The following FBXL7 variants were observed in gnomAD, a reference collection of about 807,000 sequenced individuals.
The protein encoded by FBXL7 is F-box/LRR-repeat protein 7.
Under a neutral mutation model 38.3 loss-of-function variants are expected in FBXL7, and 12 were observed. The observed-to-expected ratio is 0.31, with a 90% CI of 0.20 to 0.51. The LOEUF (loss-of-function observed/expected upper bound fraction) is 0.51, where lower values mean the gene tolerates loss of function less well. Ranked by LOEUF, FBXL7 falls within the 20% of genes least tolerant of loss-of-function variation. The pLI is 0.98. For missense variants in FBXL7, 567 were observed against 676.4 expected (o/e 0.84, Z 1.79); for synonymous variants, 297 against 300.9 (o/e 0.99, Z 0.13).
chr5:15,919,104 T>G (rs1251891094), intron 2 of FBXL7, among the ~76,000 whole-genome samples: 1 of 152,232 alleles, frequency 6.6e-6, no homozygotes, highest in Non-Finnish European at 1.5e-5. Flanking sequence ...ATCTTGCTTT[T>G]TATGGCAAGA....
chr5:15,815,011 T>A (rs552206631), intron 2 of FBXL7, among the ~76,000 whole-genome samples: 1 of 152,164 alleles, frequency 6.6e-6, no homozygotes, highest in Admixed American at 6.5e-5. Context: ...TATTTCCAAC[T>A]CCATACCATG....
chr5:15,681,406 T>C (rs1377430148), intron 2 of FBXL7, among the ~76,000 whole-genome samples: 2 of 152,154 alleles, frequency 1.3e-5, no homozygotes, highest in African/African-American at 2.4e-5. Flanking sequence ...GAAGAAACAC[T>C]CTGTTGAAAA....
At chr5:15,794,847 A>C (rs577284054) in intron 2 of FBXL7, among the ~76,000 whole-genome samples, 1 of 152,336 alleles carries the variant, frequency 6.6e-6, no homozygotes, top group East Asian at 1.9e-4. Context: ...AGGCGAAAAA[A>C]ACAACACAAA....
chr5:15,765,769 G>C (rs902662487), intron 2 of FBXL7, among the ~76,000 whole-genome samples: 2 of 152,060 alleles, frequency 1.3e-5, no homozygotes, highest in African/African-American at 4.8e-5. Context: ...TCCATCTGCT[G>C]GGAATCTCTG....
At chr5:15,762,794 T>C (rs1736484563) in intron 2 of FBXL7, among the ~76,000 whole-genome samples, 1 of 152,178 alleles carries the variant, frequency 6.6e-6, no homozygotes, top group Admixed American at 6.5e-5. Flanking sequence ...AACATTTTGG[T>C]TGAAACATAT....
intron 2 of FBXL7, among the ~76,000 whole-genome samples, chr5:15,658,852 C>T (rs1290206945): frequency 6.6e-6 from 1 of 152,098 alleles, no homozygotes; most frequent in Non-Finnish European, 1.5e-5. Context: ...GCCCAGGGCA[C>T]GGTGCTGGGC....
intron 2 of FBXL7, among the ~76,000 whole-genome samples, chr5:15,775,448 A>G (rs1295522919): frequency 6.6e-6 from 1 of 152,032 alleles, no homozygotes; most frequent in Non-Finnish European, 1.5e-5. Context: ...GGAATATGCC[A>G]TTTCATTAAT....
At chr5:15,824,290 C>T (rs146715985) in intron 2 of FBXL7, among the ~76,000 whole-genome samples, 187 of 116,170 alleles carry the variant, frequency 1.6e-3, no homozygotes, top group African/African-American at 4.6e-3. Context: ...AGCAAGACTC[C>T]GTCTCAAAAA....
chr5:15,693,198 A>G (rs1743232151), intron 2 of FBXL7, among the ~76,000 whole-genome samples: 1 of 152,128 alleles, frequency 6.6e-6, no homozygotes, highest in African/African-American at 2.4e-5. Context: ...GCCAAAAAGC[A>G]TCTCCTTATC....
intron 2 of FBXL7, among the ~76,000 whole-genome samples, chr5:15,755,412 GTA>G (rs1184136961): frequency 2.0e-5 from 3 of 152,134 alleles, no homozygotes; most frequent in Admixed American, 1.3e-4. Context: ...GTGCGTGTGT[GTA>G]TATGTGTGTG....
intron 2 of FBXL7, among the ~76,000 whole-genome samples, chr5:15,630,040 A>G (rs1337835177): frequency 6.6e-6 from 1 of 152,178 alleles, no homozygotes; most frequent in Non-Finnish European, 1.5e-5. Context: ...CAGAATAGAT[A>G]CTTTGAAAGG....
At chr5:15,884,247 A>T (rs933336337) in intron 2 of FBXL7, among the ~76,000 whole-genome samples, 36 of 124,634 alleles carry the variant, frequency 2.9e-4, no homozygotes, top group African/African-American at 1.0e-3. Flanking sequence ...GGATCAGGGA[A>T]TCTTCTTTCT....
intron 2 of FBXL7, among the ~76,000 whole-genome samples, chr5:15,719,184 GA>G (rs1160375314): frequency 6.6e-6 from 1 of 151,716 alleles, no homozygotes; most frequent in Non-Finnish European, 1.5e-5. Flanking sequence ...TTTTCCTTAT[GA>G]AAAAAATAAT....
intron 2 of FBXL7, among the ~76,000 whole-genome samples, chr5:15,714,505 GTGGAATACACAATGTACAATA>G (rs1206126912): frequency 4.3e-4 from 65 of 150,450 alleles, no homozygotes; most frequent in African/African-American, 1.6e-3. Flanking sequence ...AGTGTACAAT[GTGGAATACACAATGTACAATA>G]TGGAATACAC....
At chr5:15,865,435 A>T (rs1739665321) in intron 2 of FBXL7, among the ~76,000 whole-genome samples, 1 of 152,182 alleles carries the variant, frequency 6.6e-6, no homozygotes, top group South Asian at 2.1e-4. Context: ...TTGAATTGAG[A>T]TTATATATGT....
chr5:15,621,306 T>C (rs1222670081), intron 2 of FBXL7, among the ~76,000 whole-genome samples: 2 of 152,200 alleles, frequency 1.3e-5, no homozygotes, highest in African/African-American at 4.8e-5. Flanking sequence ...GGTTCCAGTG[T>C]AGAAGGCTGG....
At chr5:15,716,466 C>T (rs569542565) in intron 2 of FBXL7, among the ~76,000 whole-genome samples, 1 of 152,298 alleles carries the variant, frequency 6.6e-6, no homozygotes, top group East Asian at 1.9e-4. Context: ...CTCTGTGTCT[C>T]TGCTGACTTT....
intron 2 of FBXL7, among the ~76,000 whole-genome samples, chr5:15,752,700 T>C (rs1736185353): frequency 1.3e-5 from 2 of 152,226 alleles, no homozygotes; most frequent in Admixed American, 1.3e-4. Flanking sequence ...AGCAGTGCTT[T>C]GTTTACTGTA....
intron 2 of FBXL7, among the ~76,000 whole-genome samples, chr5:15,883,798 C>G (rs1423445769): frequency 6.6e-6 from 1 of 152,120 alleles, no homozygotes; most frequent in Non-Finnish European, 1.5e-5. Context: ...CCAGACCATT[C>G]CAAGTAGAGA....
Sources: allele counts gnomAD v4.1 joint callset (sites outside exome capture counted in the v4.1 genomes callset), GRCh38; gene constraint gnomAD v4.1.1; transcripts MANE v1.5; gene names NCBI Gene and HGNC (gene_info 2026-07-23, HGNC 2026-07-21).